STAC: variants seen among roughly 807,000 people sequenced by gnomAD.
The protein encoded by STAC is SH3 and cysteine-rich domain-containing protein.
A neutral mutation model predicts 48.8 loss-of-function variants in STAC; 43 were observed. The ratio of observed to expected loss-of-function variants is 0.88; its 90% CI spans 0.69 to 1.14. The LOEUF (loss-of-function observed/expected upper bound fraction) is 1.14. Ranked by LOEUF, STAC falls within the 50% of genes most tolerant of loss-of-function variation. The pLI, the probability that STAC is intolerant of heterozygous loss-of-function variation, is 0.00. For missense variants in STAC, 497 were observed against 504.0 expected (o/e 0.99, Z 0.13); for synonymous variants, 193 against 179.5 (o/e 1.07, Z -0.60).
chr3:36,528,466 TAA>T (rs549661725), intron 8 of STAC, among the ~76,000 whole-genome samples: 12 of 136,392 alleles, frequency 8.8e-5, no homozygotes, highest in Middle Eastern at 3.4e-3. Context: ...AGACTCTGTT[TAA>T]AAAAAAAAAA....
chr3:36,472,282 C>A (rs1198223402), intron 2 of STAC, among the ~76,000 whole-genome samples: 1 of 152,144 alleles, frequency 6.6e-6, no homozygotes, highest in Non-Finnish European at 1.5e-5. Flanking sequence ...GCGTGGGGGC[C>A]CTGGGCCCGG....
At chr3:36,412,917 T>C (rs1227374802) in intron 1 of STAC, among the ~76,000 whole-genome samples, 2 of 152,220 alleles carry the variant, frequency 1.3e-5, no homozygotes, top group African/African-American at 4.8e-5. Flanking sequence ...TGGTGAGGCA[T>C]ACATTTCGTT....
At chr3:36,395,264 T>G (rs1478671075) in intron 1 of STAC, among the ~76,000 whole-genome samples, 2 of 152,016 alleles carry the variant, frequency 1.3e-5, no homozygotes, top group Admixed American at 6.6e-5. Flanking sequence ...GGATTTAGAT[T>G]TGAAAGGTGA....
Position 36,433,345 on chromosome 3 carries a change from T to C in STAC, c.112-10019T>C, listed in dbSNP as rs61293052. ...ATAATACTGGACAGGTGGATGGCCG[T>C]AATCCAGCAGGAAGGATCCCATTTC... On this transcript the variant is annotated intron_variant, in intron 1 of 10. Transcript: ENST00000273183. 4.0e-3 allele frequency among the ~76,000 whole-genome samples: 614 copies of C among 152,244 alleles called. 5 individuals are homozygous for C. Among genetic ancestry groups the C allele is most frequent in the African/African-American group, 0.013 (540 of 41,530 alleles).
intron 1 of STAC, among the ~76,000 whole-genome samples, chr3:36,403,952 A>G (rs956749034): frequency 6.6e-6 from 1 of 152,230 alleles, no homozygotes; most frequent in Non-Finnish European, 1.5e-5. Context: ...GCAATTTTGC[A>G]CAGTGACTCT....
rs2125663516 is a variant in STAC, at chr3:36,441,121, C to G, written c.112-2243C>G. ...ACATTCAAAAGTATCCTCCTTCTAG[C>G]TATTTGAAACTATATAATGTATTGT... is the stretch of plus-strand genomic sequence containing the variant. On this transcript the variant is annotated intron_variant, in intron 1 of 10. Coordinates refer to ENST00000273183, the MANE Select transcript of STAC (RefSeq NM_003149.3). Among the ~76,000 whole-genome samples the G allele has an allele frequency of 3.3e-5, 5 of 152,170 alleles. No individual in the cohort carries two copies. In the South Asian group the frequency reaches 1.0e-3, roughly 32 times the overall value.
At position 36,547,055 on chromosome 3, in the gene STAC, A is replaced by G; in HGVS notation, c.*766A>G. On this transcript the variant is annotated 3_prime_UTR_variant, in exon 11 of 11. Transcript: ENST00000273183. ...ATACAGTGGGGAGGAGAAGTGGGGA[A>G]AGGTGGAGCAGAGAGTTCTTACTTA... The G allele has an allele frequency of 6.6e-6, 1 of 152,576 alleles. No homozygotes were observed. The highest frequency in any genetic ancestry group is 1.5e-5 in the Non-Finnish European group (1 of 68,232). The allele number at this position is 152,576 out of a possible 1,614,324, so 9.5% of individuals were successfully genotyped here. A position where few individuals can be genotyped will look rare whatever the true frequency, so the allele number is the denominator to read the frequency against.
chr3:36,526,263 T>A (rs1575262583), intron 8 of STAC, among the ~76,000 whole-genome samples: 2 of 151,988 alleles, frequency 1.3e-5, no homozygotes, highest in South Asian at 4.2e-4. Flanking sequence ...CCCCTCCCCA[T>A]ATTCATGCCC....
chr3:36,466,310 G>T (rs1408700591), intron 2 of STAC, among the ~76,000 whole-genome samples: 1 of 152,128 alleles, frequency 6.6e-6, no homozygotes, highest in Non-Finnish European at 1.5e-5. Flanking sequence ...TGGCTTTATA[G>T]TATAGTTGGA....
Position 36,526,448 on chromosome 3 carries a change from C to A in STAC, c.921-2248C>A, listed in dbSNP as rs912051150. On this transcript the variant is annotated intron_variant, in intron 8 of 10. Coordinates refer to ENST00000273183, the MANE Select transcript of STAC (RefSeq NM_003149.3). ...GCATCATGTGCTTTGCATGTTTCCA[C>A]GCACTGCTCCTGAACTTTGATCATT... 2.0e-5 allele frequency among the ~76,000 whole-genome samples: 3 copies of A among 152,160 alleles called. No homozygotes were observed. The South Asian group carries it at 6.2e-4, about 32-fold the overall frequency.
chr3:36,497,333 C>T (rs1163896295), intron 6 of STAC, among the ~76,000 whole-genome samples: 1 of 152,144 alleles, frequency 6.6e-6, no homozygotes, highest in Non-Finnish European at 1.5e-5. Context: ...CAGTTTAGCA[C>T]TCCTAAAACT....
chr3:36,479,644 TAGGTAG>T (rs1325435910), intron 2 of STAC, among the ~76,000 whole-genome samples: 4 of 152,134 alleles, frequency 2.6e-5, no homozygotes, highest in African/African-American at 9.7e-5. Flanking sequence ...ACTCTGAGAG[TAGGTAG>T]TACTAGTCCC....
chr3:36,426,970 T>A (rs906923504), intron 1 of STAC, among the ~76,000 whole-genome samples: 1 of 152,226 alleles, frequency 6.6e-6, no homozygotes, highest in African/African-American at 2.4e-5. Flanking sequence ...GTGTGACAGC[T>A]AATTCATTGC....
At chr3:36,516,555 G>T (rs921526235) in intron 8 of STAC, among the ~76,000 whole-genome samples, 2 of 151,870 alleles carry the variant, frequency 1.3e-5, no homozygotes, top group Admixed American at 6.6e-5. Context: ...AAATTAATTT[G>T]CTATTTCCCA....
intron 1 of STAC, among the ~76,000 whole-genome samples, chr3:36,437,930 A>AGTT (rs1553634752): frequency 1.0e-5 from 1 of 95,654 alleles, no homozygotes. Context: ...ATATTCATTG[A>AGTT]GTTATTATTA....
At chr3:36,530,799 T>C (rs1699047277) in intron 10 of STAC, among the ~76,000 whole-genome samples, 3 of 151,982 alleles carry the variant, frequency 2.0e-5, no homozygotes, top group Admixed American at 6.6e-5. Context: ...GATTTCTCCA[T>C]GTTGGTCAGG....
In STAC at chr3:36,536,753, G is replaced by A. The variant is rs1053006708; in HGVS notation, c.1110+7768G>A. 3.3e-5 allele frequency among the ~76,000 whole-genome samples: 5 copies of A among 151,578 alleles called. No homozygotes were observed. The South Asian group carries it at 1.0e-3, about 32-fold the overall frequency. ...GAGTGAACAGACAGCCTACAGAATG[G>A]GAGAAAATTATTGCAATCTACCCAT... On this transcript the variant is annotated intron_variant, in intron 10 of 10. Coordinates refer to ENST00000273183, the MANE Select transcript of STAC (RefSeq NM_003149.3).
chr3:36,481,685 A>G (rs1697650747), intron 2 of STAC, among the ~76,000 whole-genome samples: 1 of 152,216 alleles, frequency 6.6e-6, no homozygotes, highest in African/African-American at 2.4e-5. Flanking sequence ...ATCCATGAGA[A>G]TCACATACTT....
Position 36,443,567 on chromosome 3 carries a change from C to T in STAC, c.315C>T (p.Gly105=). 1 of 1,614,170 alleles carries T rather than the reference C, an allele frequency of 6.2e-7. No individual in the cohort carries two copies. The highest frequency in any genetic ancestry group is 8.5e-7 in the Non-Finnish European group (1 of 1,180,030). Residue 105 remains glycine, a synonymous_variant, in exon 2 of 11, where the codon GGC becomes GGT. Coordinates refer to ENST00000273183, the MANE Select transcript of STAC (RefSeq NM_003149.3). The surrounding 1 kb of genome is among the most constrained non-coding windows in gnomAD (Gnocchi z 4.2). The part of the protein sequence containing the change: ...TPARAGLHPG[G]KAHAFQEYIF... The stretch of plus-strand genomic sequence containing the variant: ...CCAGGGCTGGTCTGCATCCAGGTGG[C>T]AAGGCTCATGCCTTTCAGGAATACA...
Sources: allele counts gnomAD v4.1 joint callset (sites outside exome capture counted in the v4.1 genomes callset), GRCh38; gene constraint gnomAD v4.1.1; non-coding constraint Gnocchi (gnomAD v3.1); transcripts MANE v1.5; gene names NCBI Gene and HGNC (gene_info 2026-07-23, HGNC 2026-07-21).